IL23R: variants seen among roughly 807,000 people sequenced by gnomAD.
IL23R encodes interleukin 23 receptor, also known as interleukin-23 receptor.
In IL23R, 34 loss-of-function variants were observed where a neutral mutation model predicts 56.9. That is an observed-to-expected ratio of 0.60 (90% confidence interval 0.45 to 0.80). IL23R has a LOEUF of 0.80. Ranked by LOEUF, IL23R falls within the 30% of genes least tolerant of loss-of-function variation. IL23R has a pLI of 0.00. For synonymous variants in IL23R, 230 were observed against 249.2 expected (o/e 0.92, Z 0.73); for missense variants, 635 against 730.0 (o/e 0.87, Z 1.50).
At chr1:67,156,395 G>C (rs558933911) in intron 1 of IL23R, among the ~76,000 whole-genome samples, 1 of 152,342 alleles carries the variant, frequency 6.6e-6, no homozygotes, top group East Asian at 1.9e-4. Context: ...TAAGTCTGCT[G>C]AAACTGTGAC....
rs1305693645 is a variant in IL23R, at chr1:67,218,346, G to A, written c.799-1228G>A. ...TGCATATGTGTGTGTGTGTGTGTGTGTGTGTGTGTGTGTATATATATATAT... is the reference window on the plus strand; with the variant it reads ...TGCATATGTGTGTGTGTGTGTGTGTATGTGTGTGTGTGTATATATATATAT... On this transcript the variant is annotated intron_variant, in intron 6 of 10. Coordinates refer to ENST00000347310, the MANE Select transcript of IL23R (RefSeq NM_144701.3). Among the ~76,000 whole-genome samples, 1,074 of 141,130 alleles carry A rather than the reference G, an allele frequency of 7.6e-3. 17 individuals carry two copies. Among genetic ancestry groups the A allele is most frequent in the African/African-American group, 0.028 (1,009 of 36,670 alleles). The allele number at this position is 141,130 out of a possible 152,430, so 92.6% of individuals were successfully genotyped here.
rs1468846651 is a variant in IL23R, at chr1:67,228,035, CT to C, written c.955+8308del. 1.2e-4 allele frequency among the ~76,000 whole-genome samples: 8 copies of C among 68,466 alleles called. 2 individuals carry two copies. The highest frequency in any genetic ancestry group is 5.1e-4 in the African/African-American group (8 of 15,834). 44.9% of individuals were successfully genotyped at this position (68,466 alleles called of 152,430 possible). A position where few individuals can be genotyped will look rare whatever the true frequency, so the allele number is the denominator to read the frequency against. On this transcript the variant is annotated intron_variant, in intron 7 of 10. Coordinates refer to ENST00000347310, the MANE Select transcript of IL23R (RefSeq NM_144701.3). ...CTTTCTTTCTTCCTTTCTTTCTTTT[CT>C]TTCTTTCTCTTTCTTTCTTTCTTTC...
intron 7 of IL23R, among the ~76,000 whole-genome samples, chr1:67,228,078 TTTCTTTTC>T (rs1211076120): frequency 5.9e-5 from 4 of 67,496 alleles, no homozygotes; most frequent in African/African-American, 1.5e-4. Flanking sequence ...TCTCTCTTTC[TTTCTTTTC>T]TTTCTTTCTT....
upstream of IL23R, among the ~76,000 whole-genome samples, chr1:67,161,937 T>C (rs12030867): frequency 0.31 from 46,903 of 151,848 alleles, 7,841 homozygotes; most frequent in Admixed American, 0.46. Context: ...AAAATATTTT[T>C]AAAGCTCTAA....
rs539866025 is a variant in IL23R at position 67,156,207 on chromosome 1, C to T, written c.-633-11885C>T. Among the ~76,000 whole-genome samples the T allele has an allele frequency of 2.0e-5, 3 of 152,282 alleles. No individual in the cohort carries two copies. In the South Asian group the frequency reaches 6.2e-4, roughly 32 times the overall value. On this transcript the variant is annotated intron_variant, in intron 1 of 10. Transcript: ENST00000637002. ...CACCAGCCTGATGCCAGCCAGAGCT[C>T]TCCTGTATGAGGTGTCTGTCGACCC...
intron 1 of IL23R, among the ~76,000 whole-genome samples, chr1:67,154,511 AT>A (rs1293993290): frequency 6.6e-6 from 1 of 152,068 alleles, no homozygotes; most frequent in East Asian, 1.9e-4. Flanking sequence ...CCATTATGTA[AT>A]GCCCTTCTCT....
intron 3 of IL23R, among the ~76,000 whole-genome samples, chr1:67,175,539 T>C (rs1430304465): frequency 1.7e-4 from 26 of 152,216 alleles, no homozygotes; most frequent in African/African-American, 2.4e-5. Flanking sequence ...TTCTACTTTC[T>C]ACAAGTTTGA....
chr1:67,146,181 A>C (rs1222345638), intron 1 of IL23R, among the ~76,000 whole-genome samples: 2 of 152,208 alleles, frequency 1.3e-5, no homozygotes, highest in African/African-American at 2.4e-5. Context: ...AGAGCTTCTC[A>C]GCTGAGCCCA....
At chr1:67,245,674 G>A (rs561832235) in intron 9 of IL23R, among the ~76,000 whole-genome samples, 7 of 152,100 alleles carry the variant, frequency 4.6e-5, no homozygotes, top group Non-Finnish European at 1.0e-4. Flanking sequence ...TGATTGTGGT[G>A]GATAAGCTTT....
At chr1:67,228,007 TTTCTTTCTTTCTTCC>T (rs1650780388) in intron 7 of IL23R, among the ~76,000 whole-genome samples, 2 of 104,108 alleles carry the variant, frequency 1.9e-5, no homozygotes, top group African/African-American at 4.0e-5. Flanking sequence ...TCTTTCTTTC[TTTCTTTCTTTCTTCC>T]TTTCTTTCTT....
intron 4 of IL23R, among the ~76,000 whole-genome samples, chr1:67,185,137 T>G (rs765014491): frequency 1.3e-5 from 2 of 152,198 alleles, no homozygotes; most frequent in African/African-American, 2.4e-5. Flanking sequence ...GTATGGCAGC[T>G]CAAAGAGACT....
intron 3 of IL23R, among the ~76,000 whole-genome samples, chr1:67,173,454 A>G (rs1430289412): frequency 6.6e-6 from 1 of 152,184 alleles, no homozygotes; most frequent in Non-Finnish European, 1.5e-5. Flanking sequence ...TAACTTCAGC[A>G]CAAATCATTG....
At chr1:67,165,168 C>T (rs114952749), upstream of IL23R, among the ~76,000 whole-genome samples, 2,919 of 152,218 alleles carry the variant, frequency 0.019, 86 homozygotes, top group African/African-American at 0.066. Flanking sequence ...GTAATCACGC[C>T]GCTGCACTCC....
rs143728400 is a variant in IL23R, at chr1:67,222,064, A to G, written c.955+2334A>G. Among the ~76,000 whole-genome samples, 10 of 150,404 alleles carry G rather than the reference A, an allele frequency of 6.6e-5. No individual in the cohort carries two copies. The East Asian group carries it at 1.9e-3, about 29-fold the overall frequency. On this transcript the variant is annotated intron_variant, in intron 7 of 10. Coordinates refer to ENST00000347310, the MANE Select transcript of IL23R (RefSeq NM_144701.3). ...TTAAAAATGTTAAAATGAAGAAACAACTTATTAGGGAATCCTTTTCTCTTT... is the reference window on the plus strand; with the variant it reads ...TTAAAAATGTTAAAATGAAGAAACAGCTTATTAGGGAATCCTTTTCTCTTT...
At chr1:67,208,703 G>A (rs1003275527) in intron 6 of IL23R, among the ~76,000 whole-genome samples, 1 of 152,196 alleles carries the variant, frequency 6.6e-6, no homozygotes, top group Non-Finnish European at 1.5e-5. Flanking sequence ...CTGCAGGGAC[G>A]GGGCCCTCAT....
At chr1:67,255,039 T>C (rs188432980) in intron 9 of IL23R, among the ~76,000 whole-genome samples, 1 of 152,324 alleles carries the variant, frequency 6.6e-6, no homozygotes, top group East Asian at 1.9e-4. Flanking sequence ...GCTGTCACCA[T>C]CATTACAACC....
chr1:67,185,834 C>CAT (rs1351569035), intron 4 of IL23R, among the ~76,000 whole-genome samples: 1 of 152,164 alleles, frequency 6.6e-6, no homozygotes, highest in Non-Finnish European at 1.5e-5. Context: ...ACTCTGATAT[C>CAT]AGGGATGGGT....
downstream of IL23R, among the ~76,000 whole-genome samples, chr1:67,262,753 G>A (rs1226913719): frequency 1.3e-5 from 2 of 151,972 alleles, no homozygotes; most frequent in East Asian, 1.9e-4. Context: ...CTTTTAAGTC[G>A]CTGATTCCTA....
Position 67,258,895 on chromosome 1 carries a change from T to G in IL23R, c.1657T>G (p.Leu553Val), listed in dbSNP as rs778949002. 2 of 1,614,108 alleles carry G rather than the reference T, an allele frequency of 1.2e-6. No individual in the cohort carries two copies. The highest frequency in any genetic ancestry group is 1.7e-6 in the Non-Finnish European group (2 of 1,180,000). ...ATTTCTTGGAGAATTAAGCCTCATA[T>G]TAAATCAAGGAGAATGCAGTTCTCC... The part of the protein sequence containing the change: ...TIFLGELSLI[L>V]NQGECSSPDI... The change falls in exon 11 of 11, where the codon TTA (leucine) becomes GTA (valine). Residue 553 changes from leucine to valine, a missense_variant. Physicochemically the swap from Leu to Val is conservative, Grantham distance 32. Coordinates refer to ENST00000347310, the MANE Select transcript of IL23R (RefSeq NM_144701.3).
Sources: gnomAD v4.1 joint callset for allele counts (sites outside exome capture counted in the v4.1 genomes callset) on GRCh38, gnomAD v4.1.1 for gene constraint, MANE v1.5 for transcripts, NCBI Gene and HGNC (gene_info 2026-07-23, HGNC 2026-07-21) for gene names.